Variants in SSBP2 observed in about 807,000 individuals in gnomAD.
SSBP2 encodes the protein single-stranded DNA-binding protein 2.
Under a neutral mutation model 61.8 loss-of-function variants are expected in SSBP2, and 17 were observed. That is an observed-to-expected ratio of 0.28 (90% confidence interval 0.19 to 0.41). The LOEUF (loss-of-function observed/expected upper bound fraction) is 0.41, where lower values mean the gene tolerates loss of function less well. Among genes scored for constraint, SSBP2 ranks in the 10% least tolerant of loss-of-function variants. SSBP2 has a pLI of 1.00. For synonymous variants in SSBP2, 139 were observed against 141.3 expected (o/e 0.98, Z 0.12); for missense variants, 310 against 458.7 (o/e 0.68, Z 2.96).
chr5:81,543,167 C>G (rs1235143973), intron 4 of SSBP2, among the ~76,000 whole-genome samples: 1 of 152,110 alleles, frequency 6.6e-6, no homozygotes, highest in Non-Finnish European at 1.5e-5. Flanking sequence ...CATGCTTATA[C>G]TCTCTCCTAC....
Position 81,420,036 on chromosome 5 carries a change from C to T in SSBP2, c.*468G>A, listed in dbSNP as rs566481446. ...ACCTTAAAAAATAACTTATATAAAG[C>T]AGTGATATACACAGCACAAAATAGT... On this transcript the variant is annotated 3_prime_UTR_variant, in exon 17 of 17. Coordinates refer to ENST00000320672, the MANE Select transcript of SSBP2 (RefSeq NM_012446.5). The T allele has an allele frequency of 2.0e-5, 3 of 153,192 alleles. No homozygotes were observed. In the East Asian group the frequency reaches 5.8e-4, roughly 30 times the overall value. 9.5% of individuals were successfully genotyped at this position (153,192 alleles called of 1,614,324 possible).
intron 4 of SSBP2, among the ~76,000 whole-genome samples, chr5:81,614,233 G>A (rs10069014): frequency 6.6e-6 from 1 of 151,996 alleles, no homozygotes; most frequent in South Asian, 2.1e-4. Context: ...GTTGGCGGGC[G>A]CCTGTAATCC....
chr5:81,522,417 T>C (rs1311190497), intron 4 of SSBP2, among the ~76,000 whole-genome samples: 1 of 152,032 alleles, frequency 6.6e-6, no homozygotes. Flanking sequence ...TTTTATAAAC[T>C]TTCTGGAATG....
At chr5:81,459,168 G>A (rs930519226) in intron 10 of SSBP2, among the ~76,000 whole-genome samples, 19 of 152,146 alleles carry the variant, frequency 1.2e-4, no homozygotes, top group Non-Finnish European at 2.2e-4. Flanking sequence ...ATAACTGCTA[G>A]TGTGTTATAG....
At chr5:81,432,598 T>C (rs1266690532) in intron 15 of SSBP2, among the ~76,000 whole-genome samples, 1 of 151,882 alleles carries the variant, frequency 6.6e-6, no homozygotes, top group African/African-American at 2.4e-5. Flanking sequence ...ATACAAAAAT[T>C]AGCCGGGTAT....
chr5:81,534,070 A>G (rs757250801), intron 4 of SSBP2, among the ~76,000 whole-genome samples: 1 of 152,122 alleles, frequency 6.6e-6, no homozygotes, highest in Non-Finnish European at 1.5e-5. Flanking sequence ...ACTGCCTAAG[A>G]TAACAAAAAT....
At chr5:81,606,144 G>A (rs929617967) in intron 4 of SSBP2, among the ~76,000 whole-genome samples, 1 of 152,140 alleles carries the variant, frequency 6.6e-6, no homozygotes, top group Admixed American at 6.5e-5. Context: ...GTATTAAAAA[G>A]CAGGAAAGTT....
chr5:81,707,015 G>C (rs897219286), intron 1 of SSBP2, among the ~76,000 whole-genome samples: 1 of 152,050 alleles, frequency 6.6e-6, no homozygotes, highest in African/African-American at 2.4e-5. Context: ...TATAAATACG[G>C]GTTATTTCCA....
chr5:81,699,207 G>A (rs564972385), intron 1 of SSBP2, among the ~76,000 whole-genome samples: 1 of 152,198 alleles, frequency 6.6e-6, no homozygotes, highest in Non-Finnish European at 1.5e-5. Flanking sequence ...ACTTGATGTT[G>A]ATGGCTATGG....
chr5:81,733,495 C>T (rs1017668526), intron 1 of SSBP2, among the ~76,000 whole-genome samples: 8 of 151,980 alleles, frequency 5.3e-5, no homozygotes, highest in Non-Finnish European at 1.0e-4. Context: ...GGTCTTAACA[C>T]TGAAATAGTC....
intron 3 of SSBP2, among the ~76,000 whole-genome samples, chr5:81,624,963 T>C (rs917672379): frequency 4.6e-5 from 7 of 152,138 alleles, no homozygotes; most frequent in African/African-American, 9.7e-5. Flanking sequence ...AATGTGACTA[T>C]TGGTCCAAAA....
intron 16 of SSBP2, 89 bp from the exon 17 acceptor site, chr5:81,420,622 A>C (rs1761543670): frequency 9.3e-7 from 1 of 1,078,320 alleles, no homozygotes; most frequent in African/African-American, 1.6e-5. Flanking sequence ...GATGAATTCT[A>C]ATTTCTTATC....
At chr5:81,474,411 T>G in intron 7 of SSBP2, 85 bp downstream of exon 7, 3 of 1,196,738 alleles carry the variant, frequency 2.5e-6, no homozygotes, top group Non-Finnish European at 3.7e-6. Flanking sequence ...GAGATTTACT[T>G]ATACAAATAC....
chr5:81,615,451 G>C (rs1032734196), intron 4 of SSBP2, 22 bp downstream of exon 4: 12 of 1,576,096 alleles, frequency 7.6e-6, no homozygotes, highest in African/African-American at 1.3e-5. Context: ...GTGTAACTTT[G>C]TAAAATTATA....
At chr5:81,436,955 G>A (rs550801521) in intron 15 of SSBP2, among the ~76,000 whole-genome samples, 1 of 152,200 alleles carries the variant, frequency 6.6e-6, no homozygotes, top group East Asian at 1.9e-4. Flanking sequence ...TTGGGGACTA[G>A]AATAATTATT....
At chr5:81,738,764 A>G (rs919209193) in intron 1 of SSBP2, among the ~76,000 whole-genome samples, 1 of 152,188 alleles carries the variant, frequency 6.6e-6, no homozygotes. Context: ...TTGTTATAGC[A>G]ATCGCTTCCT....
At chr5:81,469,582 T>C (rs1185647380) in intron 8 of SSBP2, among the ~76,000 whole-genome samples, 1 of 151,940 alleles carries the variant, frequency 6.6e-6, no homozygotes, top group Admixed American at 6.6e-5. Context: ...AAATAATAAG[T>C]ACCTTGAAGG....
chr5:81,473,507 G>C (rs1765387968), intron 8 of SSBP2, among the ~76,000 whole-genome samples, 193 bp downstream of exon 8: 1 of 152,124 alleles, frequency 6.6e-6, no homozygotes, highest in Non-Finnish European at 1.5e-5. Flanking sequence ...TTCTGTTTCT[G>C]TGTTAGTTTG....
At chr5:81,515,308 A>C (rs1379432772) in intron 4 of SSBP2, among the ~76,000 whole-genome samples, 4 of 151,998 alleles carry the variant, frequency 2.6e-5, no homozygotes, top group Non-Finnish European at 5.9e-5. Context: ...TTAGTATGAA[A>C]AGCTAGACAT....
Sources: gnomAD v4.1 joint callset for allele counts (sites outside exome capture counted in the v4.1 genomes callset) on GRCh38, gnomAD v4.1.1 for gene constraint, MANE v1.5 for transcripts, NCBI Gene and HGNC (gene_info 2026-07-23, HGNC 2026-07-21) for gene names.